Variants in DNAH9 observed in about 807,000 individuals in gnomAD.
DNAH9 encodes the protein dynein axonemal heavy chain 9.
In DNAH9, 345 loss-of-function variants were observed where a neutral mutation model predicts 471.6. The observed-to-expected ratio is 0.73, with a 90% CI of 0.67 to 0.80. The LOEUF is 0.80. Among genes scored for constraint, DNAH9 ranks in the 30% least tolerant of loss-of-function variants. DNAH9 has a pLI of 0.00. For synonymous variants in DNAH9, 2,093 were observed against 2,123.6 expected (o/e 0.99, Z 0.40); for missense variants, 5,407 against 5,609.2 (o/e 0.96, Z 1.15).
At position 11,832,560 on chromosome 17, in the gene DNAH9, G is replaced by T. The variant is rs558961330; in HGVS notation, c.9247-2078G>T. On this transcript the variant is annotated intron_variant, in intron 48 of 68. Coordinates refer to ENST00000262442, the MANE Select transcript of DNAH9 (RefSeq NM_001372.4). ...ATGTAAGACAAGTTCTAGGGAGCAG[G>T]CCTCCGTTTGAGGTTAACACAAAGT... Among the ~76,000 whole-genome samples, 535 of 152,308 alleles carry T rather than the reference G, an allele frequency of 3.5e-3. 1 individual carries two copies. Among genetic ancestry groups the T allele is most frequent in the Non-Finnish European group, 6.6e-3 (450 of 68,026 alleles).
chr17:11,763,970 C>T (rs1319298279), intron 36 of DNAH9, among the ~76,000 whole-genome samples: 8 of 152,100 alleles, frequency 5.3e-5, no homozygotes, highest in South Asian at 4.1e-4. Flanking sequence ...GAGGCTGTGC[C>T]GTGGAAGCTT....
chr17:11,722,563 G>A lies in DNAH9; in HGVS notation c.5709+3073G>A, dbSNP rs145003487. Among the ~76,000 whole-genome samples, 16 of 152,286 alleles carry A rather than the reference G, an allele frequency of 1.1e-4. No individual in the cohort carries two copies. The East Asian group carries it at 2.7e-3, about 26-fold the overall frequency. ...GCAGGCAGTCAGTGGTGAAGCAAAG[G>A]GAGAGGTTGAAGAGGAGAGTCTAGG... On this transcript the variant is annotated intron_variant, in intron 27 of 68. Coordinates refer to ENST00000262442, the MANE Select transcript of DNAH9 (RefSeq NM_001372.4).
intron 12 of DNAH9, 114 bp downstream of exon 12, chr17:11,647,312 G>A (rs993905640): frequency 2.4e-5 from 27 of 1,117,452 alleles, no homozygotes; most frequent in African/African-American, 1.1e-4. Flanking sequence ...CACTCTTGTC[G>A]CCCAGGCTGG....
chr17:11,935,289 G>A (rs140813554), intron 65 of DNAH9, among the ~76,000 whole-genome samples: 2 of 151,076 alleles, frequency 1.3e-5, no homozygotes, highest in Non-Finnish European at 1.5e-5. Flanking sequence ...CTATTACTTC[G>A]GTCTTTTATG....
intron 26 of DNAH9, among the ~76,000 whole-genome samples, chr17:11,716,164 A>G (rs985525490): frequency 2.7e-5 from 4 of 148,848 alleles, no homozygotes; most frequent in Non-Finnish European, 5.9e-5. Context: ...GCTCACTGCA[A>G]CCTCTGCCTC....
At chr17:11,735,856 T>A (rs2150827197) in intron 28 of DNAH9, among the ~76,000 whole-genome samples, 1 of 152,346 alleles carries the variant, frequency 6.6e-6, no homozygotes, top group Admixed American at 6.5e-5. Context: ...GAGAAACTGG[T>A]CTGTGGCTGG....
intron 45 of DNAH9, among the ~76,000 whole-genome samples, chr17:11,820,809 A>AAT (rs1282531129): frequency 6.6e-6 from 1 of 152,092 alleles, no homozygotes; most frequent in Non-Finnish European, 1.5e-5. Flanking sequence ...TATGCAGTCA[A>AAT]ATTTGTCAAT....
chr17:11,795,017 T>A (rs540125236), intron 42 of DNAH9, among the ~76,000 whole-genome samples: 2 of 152,230 alleles, frequency 1.3e-5, no homozygotes, highest in East Asian at 3.9e-4. Flanking sequence ...GGCACATGTA[T>A]ACATATGTAA....
intron 28 of DNAH9, among the ~76,000 whole-genome samples, chr17:11,737,249 G>A (rs994148056): frequency 6.6e-6 from 1 of 152,222 alleles, no homozygotes; most frequent in East Asian, 1.9e-4. Flanking sequence ...AATCCTAATT[G>A]TAGAACTGTC....
chr17:11,911,693 C>G lies in DNAH9; in HGVS notation c.11749+5884C>G, dbSNP rs534112833. Among the ~76,000 whole-genome samples the G allele has an allele frequency of 2.0e-5, 3 of 152,290 alleles. No individual in the cohort carries two copies. The South Asian group carries it at 6.2e-4, about 32-fold the overall frequency. On this transcript the variant is annotated intron_variant, in intron 61 of 68. Transcript: ENST00000262442. ...GATCTAGAGAGTATTACCATCTTAA[C>G]AATATAAATCTGATCAGTGAACATG...
chr17:11,834,651 A>G lies in DNAH9; in HGVS notation c.9260A>G (p.Lys3087Arg). ...TCTCCAATGCAGGTGGATGATCTGA[A>G]AGCAAAGCTGGCTGCCCAGGAAGTA... The part of the protein sequence containing the change: ...HSTSAQVDDL[K>R]AKLAAQEVEL... Residue 3087 changes from lysine (K) to arginine (R), a missense_variant, in exon 49 of 69, where the codon AAA becomes AGA. This residue lies in a region of DNAH9 where 4,636 missense variants were observed against 4,900.3 expected (regional missense o/e 0.95). Transcript: ENST00000262442. The G allele has an allele frequency of 3.1e-6, 5 of 1,614,084 alleles. No homozygotes were observed. The highest frequency in any genetic ancestry group is 4.2e-6 in the Non-Finnish European group (5 of 1,180,022).
Position 11,905,819 on chromosome 17 carries a change from G to A in DNAH9, c.11749+10G>A. On this transcript the variant is annotated intron_variant, in intron 61 of 68. Transcript: ENST00000262442. ...GATGTAGAAAGTCAAGGTGAGAAAG[G>A]CGTCCTCTTGGAGCCAGGGCTGCAT... is the stretch of plus-strand genomic sequence containing the variant. The A allele has an allele frequency of 6.3e-7, 1 of 1,596,186 alleles. No homozygotes were observed. Among genetic ancestry groups the A allele is most frequent in the Non-Finnish European group, 8.6e-7 (1 of 1,169,000 alleles).
At position 11,757,650 on chromosome 17, in the gene DNAH9, T is replaced by C. The variant is rs1967455932; in HGVS notation, c.6953T>C (p.Phe2318Ser). The part of the protein sequence containing the change: ...QTERANLTIL[F>S]DKYLPTCLDT... ...GAGAGAGCCAACTTAACCATTTTGTTCGACAAGTATCTTCCAACCTGCCTA... is the reference window on the plus strand; with the variant it reads ...GAGAGAGCCAACTTAACCATTTTGTCCGACAAGTATCTTCCAACCTGCCTA... Residue 2318 changes from phenylalanine to serine, a missense_variant, in exon 35 of 69, where the codon TTC (phenylalanine) becomes TCC (serine). By Grantham distance (155) the Phe-to-Ser change is radical. Transcript: ENST00000262442. The C allele has an allele frequency of 6.2e-7, 1 of 1,613,990 alleles. No homozygotes were observed. The highest frequency in any genetic ancestry group is 8.5e-7 in the Non-Finnish European group (1 of 1,180,038).
intron 24 of DNAH9, among the ~76,000 whole-genome samples, chr17:11,702,709 A>C (rs2074622384): frequency 6.6e-6 from 1 of 152,186 alleles, no homozygotes; most frequent in Non-Finnish European, 1.5e-5. Flanking sequence ...AGGATGAAGA[A>C]GGTTCATGGA....
rs1339329300 is a variant in DNAH9, at chr17:11,626,505, C to T, written c.1351-2912C>T. Among the ~76,000 whole-genome samples, 1 of 152,118 alleles carries T rather than the reference C, an allele frequency of 6.6e-6. No homozygotes were observed. The highest frequency in any genetic ancestry group is 1.5e-5 in the Non-Finnish European group (1 of 68,014). On this transcript the variant is annotated intron_variant, in intron 6 of 68. Transcript: ENST00000262442. This position sits in a 1 kb window ranked among gnomAD's most constrained non-coding sequence, Gnocchi z 4.3. ...AAAACCCCTTCAGCGATGGAGAGCTCCCTCCCTCTCTTTGTAGCCCATTCT... is the reference window on the plus strand; with the variant it reads ...AAAACCCCTTCAGCGATGGAGAGCTTCCTCCCTCTCTTTGTAGCCCATTCT...
chr17:11,723,145 A>G (rs1476511082), intron 27 of DNAH9: 1 of 152,198 alleles, frequency 6.6e-6, no homozygotes, highest in Non-Finnish European at 1.5e-5. Flanking sequence ...CCGGAGTCCT[A>G]GTCCCGTCTC....
intron 67 of DNAH9, among the ~76,000 whole-genome samples, chr17:11,957,612 C>G (rs916113891): frequency 9.0e-6 from 1 of 111,266 alleles, no homozygotes; most frequent in South Asian, 2.8e-4. Context: ...CCAGTGGATG[C>G]AGACAAAACA....
chr17:11,963,516 G>C (rs368112672), intron 68 of DNAH9, among the ~76,000 whole-genome samples: 1 of 151,216 alleles, frequency 6.6e-6, no homozygotes. Context: ...GAGGGTGTAG[G>C]GAGAGGTGGG....
intron 27 of DNAH9, chr17:11,722,980 C>T (rs751575550): frequency 6.6e-6 from 1 of 152,190 alleles, no homozygotes; most frequent in Non-Finnish European, 1.5e-5. Context: ...GACCCTACTC[C>T]CTTCACTTCG....
Sources: allele counts gnomAD v4.1 joint callset (sites outside exome capture counted in the v4.1 genomes callset), GRCh38; gene constraint gnomAD v4.1.1; regional missense constraint gnomAD v4.1.1; non-coding constraint Gnocchi (gnomAD v3.1); transcripts MANE v1.5; gene names NCBI Gene and HGNC (gene_info 2026-07-23, HGNC 2026-07-21).